SERPINF1: variants seen among roughly 807,000 people sequenced by gnomAD.
The protein encoded by SERPINF1 is serpin family F member 1.
Under a neutral mutation model 37.3 loss-of-function variants are expected in SERPINF1, and 29 were observed. That is an observed-to-expected ratio of 0.78 (90% CI 0.58 to 1.06). SERPINF1 has a LOEUF of 1.06. Ranked by LOEUF, SERPINF1 falls within the 50% of genes least tolerant of loss-of-function variation. SERPINF1 has a pLI of 0.00. For missense variants in SERPINF1, 553 were observed against 532.2 expected (o/e 1.04, Z -0.38); for synonymous variants, 281 against 227.9 (o/e 1.23, Z -2.10).
chr17:1,771,179 A>AGAAGAGTGAGTCGCCTTTGC lies in SERPINF1; in HGVS notation c.435_439+15dup. 6.2e-7 allele frequency: 1 copy of AGAAGAGTGAGTCGCCTTTGC among 1,612,398 alleles called. No individual in the cohort carries two copies. Among genetic ancestry groups the AGAAGAGTGAGTCGCCTTTGC allele is most frequent in the Non-Finnish European group, 8.5e-7 (1 of 1,179,236 alleles). On this transcript the variant is annotated frameshift_variant, in exon 4 of 8. Transcript: ENST00000254722. LOFTEE classifies it high-confidence loss of function. ...AAGAGTGCCTCCCGGATCGTCTTTGAGAAGAGTGAGTCGCCTTTGCAGCCC... is the reference window on the plus strand; with the variant it reads ...AAGAGTGCCTCCCGGATCGTCTTTGAGAAGAGTGAGTCGCCTTTGCGAAGAGTGAGTCGCCTTTGCAGCCC...
chr17:1,776,341 G>A (rs1319502897), intron 6 of SERPINF1, 191 bp from the exon 7 acceptor site: 16 of 638,730 alleles, frequency 2.5e-5, no homozygotes, highest in Non-Finnish European at 3.3e-5. Context: ...CATCCTTTCT[G>A]AAGAAACCTC....
Position 1,773,907 on chromosome 17 carries a change from C to T in SERPINF1, c.644-1151C>T, listed in dbSNP as rs896052963. Among the ~76,000 whole-genome samples, 6 of 152,144 alleles carry T rather than the reference C, an allele frequency of 3.9e-5. No homozygotes were observed. In the South Asian group the frequency reaches 8.3e-4, roughly 21 times the overall value. On this transcript the variant is annotated intron_variant, in intron 5 of 7. Coordinates refer to ENST00000254722, the MANE Select transcript of SERPINF1 (RefSeq NM_002615.7). The stretch of plus-strand genomic sequence containing the variant: ...TAACCATCTGAGGCACCAGCAAGAG[C>T]GGCCCCCGAGCCTGGACAAAATCCA...
In SERPINF1 at chr17:1,777,202, T is replaced by C; in HGVS notation, c.1013T>C (p.Phe338Ser). 6.2e-7 allele frequency: 1 copy of C among 1,614,144 alleles called. No individual in the cohort carries two copies. The highest frequency in any genetic ancestry group is 8.5e-7 in the Non-Finnish European group (1 of 1,180,028). ...SLQEMKLQSL[F>S]DSPDFSKITG... Reference sequence around the variant, plus strand: ...ATCTCTACAGAGCTGCAATCCTTGTTTGATTCACCAGACTTTAGCAAGATC... The same window carrying C: ...ATCTCTACAGAGCTGCAATCCTTGTCTGATTCACCAGACTTTAGCAAGATC... The change falls in exon 8 of 8, where the codon TTT becomes TCT. Residue 338 changes from phenylalanine to serine, a missense_variant. Physicochemically the swap from Phe to Ser is radical, Grantham distance 155. Coordinates refer to ENST00000254722, the MANE Select transcript of SERPINF1 (RefSeq NM_002615.7).
intron 3 of SERPINF1, 32 bp downstream of exon 3, chr17:1,770,082 G>C: frequency 6.2e-7 from 1 of 1,610,874 alleles, no homozygotes; most frequent in Non-Finnish European, 8.5e-7. Context: ...GCCCCAGGCA[G>C]ACCTGGAGAG....
At chr17:1,773,390 C>T (rs371664989) in intron 5 of SERPINF1, among the ~76,000 whole-genome samples, 3 of 152,158 alleles carry the variant, frequency 2.0e-5, no homozygotes, top group African/African-American at 4.8e-5. Flanking sequence ...GGATTACAGG[C>T]GCCCGCCACC....
At chr17:1,771,716 G>A in intron 4 of SERPINF1, 156 bp from the exon 5 acceptor site, 1 of 736,732 alleles carries the variant, frequency 1.4e-6, no homozygotes, top group South Asian at 1.5e-5. Flanking sequence ...AGTGCCTGGG[G>A]ATGCCAGCAG....
At chr17:1,764,896 T>A (rs1197959736) in intron 1 of SERPINF1, among the ~76,000 whole-genome samples, 1 of 144,804 alleles carries the variant, frequency 6.9e-6, no homozygotes, top group Non-Finnish European at 1.5e-5. Flanking sequence ...CAGCCTGGAG[T>A]GCAGTGGCGC....
chr17:1,774,598 C>T (rs2151211178), intron 5 of SERPINF1, among the ~76,000 whole-genome samples: 1 of 152,232 alleles, frequency 6.6e-6, no homozygotes, highest in African/African-American at 2.4e-5. Context: ...TCCTGAAGGG[C>T]TGGGACTACA....
intron 6 of SERPINF1, 116 bp from the exon 7 acceptor site, chr17:1,776,415 TG>T: frequency 1.1e-6 from 1 of 880,034 alleles, no homozygotes; most frequent in Non-Finnish European, 1.9e-6. Context: ...GATGAGGGGC[TG>T]GATGAAGGAC....
chr17:1,771,322 C>T (rs533815512), intron 4 of SERPINF1, 138 bp downstream of exon 4: 51 of 855,074 alleles, frequency 6.0e-5, no homozygotes, highest in Non-Finnish European at 8.4e-5. Context: ...GATCTCGGCT[C>T]ACTGCAACCT....
intron 2 of SERPINF1, chr17:1,769,642 T>C: frequency 8.2e-6 from 5 of 606,518 alleles, no homozygotes; most frequent in Admixed American, 5.7e-5. Context: ...AAAAAACAGC[T>C]GATCTCTCTT....
At chr17:1,767,833 A>G (rs957438695) in intron 2 of SERPINF1, among the ~76,000 whole-genome samples, 1 of 152,210 alleles carries the variant, frequency 6.6e-6, no homozygotes, top group African/African-American at 2.4e-5. Context: ...CACCCATTCT[A>G]CAGGGCCATG....
At chr17:1,770,935 A>T (rs1907685880) in intron 3 of SERPINF1, 94 bp from the exon 4 acceptor site, 1 of 1,522,336 alleles carries the variant, frequency 6.6e-7, no homozygotes, top group Non-Finnish European at 9.1e-7. Context: ...CTCAGCAGAC[A>T]AAAAAGATGA....
intron 3 of SERPINF1, chr17:1,770,600 C>A: frequency 3.9e-6 from 1 of 257,344 alleles, no homozygotes; most frequent in Non-Finnish European, 7.6e-6. Context: ...GCTGGGATTA[C>A]AGGCACCTGC....
intron 1 of SERPINF1, among the ~76,000 whole-genome samples, chr17:1,765,634 T>C (rs568677737): frequency 1.1e-4 from 16 of 152,204 alleles, no homozygotes; most frequent in Non-Finnish European, 1.9e-4. Flanking sequence ...TGTTTTATTT[T>C]AATAGTAGGT....
intron 1 of SERPINF1, chr17:1,766,600 A>AT: frequency 4.9e-6 from 1 of 202,046 alleles, no homozygotes; most frequent in Non-Finnish European, 9.8e-6. Flanking sequence ...AAATAAATAA[A>AT]AGCTTTAGGC....
At chr17:1,776,768 T>G in intron 7 of SERPINF1, 26 bp downstream of exon 7, 1 of 1,608,996 alleles carries the variant, frequency 6.2e-7, no homozygotes, top group Non-Finnish European at 8.5e-7. Context: ...CTTTCGCTCT[T>G]GGTGGGTGGA....
chr17:1,767,932 G>C (rs565792677), intron 2 of SERPINF1, among the ~76,000 whole-genome samples: 61 of 152,292 alleles, frequency 4.0e-4, no homozygotes, highest in African/African-American at 1.4e-3. Flanking sequence ...TGCCGGGTGC[G>C]GTGGCTCACA....
chr17:1,776,010 G>A (rs746149800), intron 6 of SERPINF1, among the ~76,000 whole-genome samples: 5 of 152,090 alleles, frequency 3.3e-5, no homozygotes, highest in African/African-American at 7.2e-5. Context: ...CAACGATTTC[G>A]GAGACTCTTG....
Sources: gnomAD v4.1 joint callset for allele counts (sites outside exome capture counted in the v4.1 genomes callset) on GRCh38, gnomAD v4.1.1 for gene constraint, MANE v1.5 for transcripts, NCBI Gene and HGNC (gene_info 2026-07-23, HGNC 2026-07-21) for gene names.